Variants in ACIN1 observed in about 807,000 individuals in gnomAD.
The protein encoded by ACIN1 is apoptotic chromatin condensation inducer in the nucleus.
In ACIN1, 16 loss-of-function variants were observed where a neutral mutation model predicts 146.6. That is an observed-to-expected ratio of 0.11 (90% CI 0.07 to 0.17). The LOEUF is 0.17. Ranked by LOEUF, ACIN1 falls within the 10% of genes least tolerant of loss-of-function variation. The pLI is 1.00. For synonymous variants in ACIN1, 569 were observed against 582.7 expected (o/e 0.98, Z 0.34); for missense variants, 1,357 against 1,609.3 (o/e 0.84, Z 2.68).
chr14:23,077,440 T>C (rs981082604), intron 8 of ACIN1, among the ~76,000 whole-genome samples: 1 of 152,168 alleles, frequency 6.6e-6, no homozygotes, highest in African/African-American at 2.4e-5. Context: ...CCAGGAATTC[T>C]GGCTCATTGG....
chr14:23,077,660 T>A (rs993666147), intron 8 of ACIN1: 2 of 152,986 alleles, frequency 1.3e-5, no homozygotes, highest in African/African-American at 4.8e-5. Flanking sequence ...CTGTACTGTA[T>A]GCTGTAAGAA....
rs1566747621 is a variant in ACIN1 at position 23,078,960 on chromosome 14, C to T, written c.1867G>A (p.Ala623Thr). ...TKDPSSGQEV[A>T]TPPVPQLQVC... ...TGCAGTTGTGGCACTGGTGGAGTTGCAACCTCCTGACCAGAAGAGGGATCT... is the reference window on the plus strand; with the variant it reads ...TGCAGTTGTGGCACTGGTGGAGTTGTAACCTCCTGACCAGAAGAGGGATCT... Residue 623 changes from alanine (A) to threonine (T), a missense_variant, in exon 7 of 19, where the codon GCA becomes ACA. This residue lies in a region of ACIN1 where 771 missense variants were observed against 746.6 expected (regional missense o/e 1.03). Transcript: ENST00000605057. The T allele has an allele frequency of 1.2e-6, 2 of 1,614,218 alleles. No homozygotes were observed. Among genetic ancestry groups the T allele is most frequent in the Non-Finnish European group, 1.7e-6 (2 of 1,180,022 alleles).
At position 23,059,062 on chromosome 14, in the gene ACIN1, G is replaced by A. The variant is rs1040125247; in HGVS notation, c.*86C>T. The A allele has an allele frequency of 2.8e-5, 37 of 1,309,886 alleles. No individual in the cohort carries two copies. The highest frequency in any genetic ancestry group is 9.2e-5 in the East Asian group (4 of 43,284). The allele number at this position is 1,309,886 out of a possible 1,614,324, so 81.1% of individuals were successfully genotyped here. ...GTGATGTGAAAGACCCTTGGCTCCA[G>A]GGTGGTGGAGACTGTGCCTATCCCT... On this transcript the variant is annotated 3_prime_UTR_variant, in exon 19 of 19. Transcript: ENST00000605057.
Position 23,061,592 on chromosome 14 carries a change from G to C in ACIN1, c.3130C>G (p.Arg1044Gly). ...LDYHRGLLVD[R>G]PSETKTEEQG... ...TCCTCTGTCTTAGTTTCAGAGGGAC[G>C]GTCCACCAAGAGGCCTCGGTGATAA... The change falls in exon 17 of 19, where the codon CGT (arginine) becomes GGT (glycine). Residue 1044 changes from arginine (R) to glycine (G), a missense_variant. This residue lies in a region of ACIN1 where 509 missense variants were observed against 719.6 expected (regional missense o/e 0.71). Coordinates refer to ENST00000605057, the MANE Select transcript of ACIN1 (RefSeq NM_001386863.1). 6.5e-7 allele frequency: 1 copy of C among 1,549,016 alleles called. No individual in the cohort carries two copies.
rs768341414 is a variant in ACIN1 at position 23,061,127 on chromosome 14, T to A, written c.3482A>T (p.Lys1161Met). The part of the protein sequence containing the change: ...KLLDDLFRKT[K>M]AAPCIYWLPL... ...GAGCCAATAGATGCAGGGAGCTGCC[T>A]TGGTCTTTCGGAAAAGGTCATCCAG... The change falls in exon 18 of 19, where the codon AAG becomes ATG. Residue 1161 changes from lysine to methionine, a missense_variant. By Grantham distance (95) the Lys-to-Met change is moderately conservative. Transcript: ENST00000605057. The A allele has an allele frequency of 6.2e-7, 1 of 1,614,146 alleles. No homozygotes were observed. The highest frequency in any genetic ancestry group is 8.5e-7 in the Non-Finnish European group (1 of 1,180,024).
intron 8 of ACIN1, chr14:23,071,080 T>C (rs1023955033): frequency 3.9e-5 from 59 of 1,531,276 alleles, no homozygotes; most frequent in Non-Finnish European, 5.0e-5. Context: ...CGAAGGGAGC[T>C]AGGGCGGCGG....
Position 23,090,279 on chromosome 14 carries a change from C to A in ACIN1, c.317-178G>T, listed in dbSNP as rs151303703. On this transcript the variant is annotated intron_variant, in intron 3 of 18. Transcript: ENST00000605057. ...CAGCTCTACTTCATCTAAATGGTAG[C>A]TTAATTTACTTATAACTCTTCCTGT... Among the ~76,000 whole-genome samples the A allele has an allele frequency of 6.0e-3, 913 of 152,312 alleles. 9 individuals carry two copies. Among genetic ancestry groups the A allele is most frequent in the African/African-American group, 0.02 (843 of 41,558 alleles).
chr14:23,059,737 T>G (rs2047209280), intron 18 of ACIN1, among the ~76,000 whole-genome samples: 1 of 147,314 alleles, frequency 6.8e-6, no homozygotes, highest in Non-Finnish European at 1.5e-5. Flanking sequence ...CACTGCAAGC[T>G]CCACCTCCCG....
chr14:23,060,779 G>A (rs2047253421), intron 18 of ACIN1, among the ~76,000 whole-genome samples: 1 of 151,974 alleles, frequency 6.6e-6, no homozygotes, highest in Admixed American at 6.5e-5. Flanking sequence ...CCAAAGTGCT[G>A]GCATTAGAGG....
At chr14:23,090,982 G>A (rs769050650) in intron 2 of ACIN1, among the ~76,000 whole-genome samples, 4 of 152,122 alleles carry the variant, frequency 2.6e-5, no homozygotes, top group Non-Finnish European at 4.4e-5. Context: ...TTCCCTCACT[G>A]CAACCTCTGC....
chr14:23,062,323 C>G, intron 15 of ACIN1, 48 bp from the exon 16 acceptor site: 1 of 1,600,470 alleles, frequency 6.2e-7, no homozygotes, highest in Non-Finnish European at 8.6e-7. Flanking sequence ...GTCTGCAACC[C>G]TTCCCACGTG....
intron 8 of ACIN1, chr14:23,071,542 T>C: frequency 6.4e-7 from 1 of 1,550,954 alleles, no homozygotes; most frequent in Non-Finnish European, 8.7e-7. Flanking sequence ...GCCGGAGACA[T>C]GCAGGGGAGC....
intron 4 of ACIN1, among the ~76,000 whole-genome samples, chr14:23,087,184 T>G (rs971630961): frequency 6.6e-6 from 1 of 152,208 alleles, no homozygotes; most frequent in Non-Finnish European, 1.5e-5. Context: ...AGACTGAGAT[T>G]CTATACCTGG....
At chr14:23,059,523 C>CA in intron 18 of ACIN1, 49 bp from the exon 19 acceptor site, 2 of 1,497,160 alleles carry the variant, frequency 1.3e-6, no homozygotes, top group South Asian at 2.3e-5. Flanking sequence ...GTCCTGGTCA[C>CA]AGCCTCCATT....
At chr14:23,080,954 T>A (rs2047928776) in intron 5 of ACIN1, 145 bp from the exon 6 acceptor site, 2 of 1,441,990 alleles carry the variant, frequency 1.4e-6, no homozygotes, top group Non-Finnish European at 1.8e-6. Flanking sequence ...CAGGAGACAA[T>A]CATGACTAAC....
chr14:23,069,610 T>C lies in ACIN1; in HGVS notation c.2131A>G (p.Lys711Glu), dbSNP rs769420485. 9.9e-6 allele frequency: 10 copies of C among 1,013,398 alleles called. No individual in the cohort carries two copies. Among genetic ancestry groups the C allele is most frequent in the Admixed American group, 6.0e-5 (3 of 49,790 alleles). 62.8% of individuals were successfully genotyped at this position (1,013,398 alleles called of 1,614,324 possible). The change falls in exon 9 of 19, where the codon AAG (lysine) becomes GAG (glutamate). Residue 711 changes from lysine (K) to glutamate (E), a missense_variant. By Grantham distance (56) the Lys-to-Glu change is moderately conservative. This residue lies in a region of ACIN1 where 771 missense variants were observed against 746.6 expected (regional missense o/e 1.03). Transcript: ENST00000605057. ...SERIHHTVEE[K>E]EEVTMDTSEN... ...CTTGTGTCCATGGTCACTTCCTCCT[T>C]CTCCTCACTGACAGGAGGGGGGAGT...
At chr14:23,079,384 T>C (rs1249915667) in intron 6 of ACIN1, among the ~76,000 whole-genome samples, 163 bp downstream of exon 6, 1 of 152,272 alleles carries the variant, frequency 6.6e-6, no homozygotes, top group East Asian at 1.9e-4. Flanking sequence ...AATCAGTTAA[T>C]TGAAAATACG....
chr14:23,061,070 A>G lies in ACIN1; in HGVS notation c.3525+14T>C, dbSNP rs1412435933. 1 of 1,613,050 alleles carries G rather than the reference A, an allele frequency of 6.2e-7. No homozygotes were observed. Among genetic ancestry groups the G allele is most frequent in the South Asian group, 1.1e-5 (1 of 91,042 alleles). On this transcript the variant is annotated intron_variant, in intron 18 of 18. Coordinates refer to ENST00000605057, the MANE Select transcript of ACIN1 (RefSeq NM_001386863.1). Reference sequence around the variant, plus strand: ...AGTGCCACTAGGGAGCAGGGCACGAAGAAGAGCACTCACCTGGCTGTCAGT... The same window carrying G: ...AGTGCCACTAGGGAGCAGGGCACGAGGAAGAGCACTCACCTGGCTGTCAGT...
chr14:23,094,700 AG>A (rs1049815524), intron 1 of ACIN1: 2 of 657,196 alleles, frequency 3.0e-6, no homozygotes, highest in African/African-American at 1.9e-5. Flanking sequence ...ACAAACAAGG[AG>A]GGGGTGGGGG....
Sources: gnomAD v4.1 joint callset for allele counts (sites outside exome capture counted in the v4.1 genomes callset) on GRCh38, gnomAD v4.1.1 for gene constraint, gnomAD v4.1.1 regional missense constraint, MANE v1.5 for transcripts, NCBI Gene and HGNC (gene_info 2026-07-23, HGNC 2026-07-21) for gene names.